FAT4: variants seen among roughly 807,000 people sequenced by gnomAD.
FAT4 encodes protocadherin Fat 4.
Under a neutral mutation model 303.9 loss-of-function variants are expected in FAT4, and 84 were observed. That is an observed-to-expected ratio of 0.28 (90% CI 0.23 to 0.33). The LOEUF (loss-of-function observed/expected upper bound fraction) is 0.33. FAT4 is among the 10% of genes least tolerant of loss of function. The probability of loss-of-function intolerance (pLI) is 1.00; values close to 1 mark genes in which losing one functional copy is unlikely to be tolerated. For synonymous variants in FAT4, 2,307 were observed against 2,298.8 expected (o/e 1.00, Z -0.10); for missense variants, 6,005 against 6,146.8 (o/e 0.98, Z 0.77).
Position 125,319,052 on chromosome 4 carries a change from A to G in FAT4, c.2641A>G (p.Ile881Val), listed in dbSNP as rs183643556. The G allele has an allele frequency of 6.2e-6, 10 of 1,614,096 alleles. No homozygotes were observed. In the East Asian group the frequency reaches 1.6e-4, roughly 25 times the overall value. The change falls in exon 2 of 18, where the codon ATA becomes GTA. Residue 881 changes from isoleucine (I) to valine (V), a missense_variant. Coordinates refer to ENST00000394329, the MANE Select transcript of FAT4 (RefSeq NM_001291303.3). ...AGTGACTGGAGACACTATGGTTAAC[A>G]TAACAGTTAAGGATTTGAATGACAA... ...GTVTGDTMVN[I>V]TVKDLNDNSP...
At chr4:125,377,036 C>T (rs1183941841) in intron 2 of FAT4, among the ~76,000 whole-genome samples, 1 of 152,166 alleles carries the variant, frequency 6.6e-6, no homozygotes, top group African/African-American at 2.4e-5. Context: ...GAAGAAAAAT[C>T]TGGCTCCTGA....
intron 2 of FAT4, among the ~76,000 whole-genome samples, chr4:125,339,597 A>T (rs552673194): frequency 6.6e-6 from 1 of 152,284 alleles, no homozygotes; most frequent in South Asian, 2.1e-4. Flanking sequence ...ACTAAAACTA[A>T]CATTTATTTA....
chr4:125,317,549 C>T lies in FAT4; in HGVS notation c.1138C>T (p.Leu380Phe). 1 of 1,613,922 alleles carries T rather than the reference C, an allele frequency of 6.2e-7. No individual in the cohort carries two copies. Among genetic ancestry groups the T allele is most frequent in the South Asian group, 1.1e-5 (1 of 91,074 alleles). The stretch of plus-strand genomic sequence containing the variant: ...TCAAGTGGGCACCGTGGTGGCTCTG[C>T]TCACCGTGACGGACGCAGATTCTCC... The part of the protein sequence containing the change: ...NAQVGTVVAL[L>F]TVTDADSPAA... Residue 380 changes from leucine (L) to phenylalanine (F), a missense_variant, in exon 2 of 18, where the codon CTC becomes TTC. Transcript: ENST00000394329. The surrounding 1 kb of genome is among the most constrained non-coding windows in gnomAD (Gnocchi z 7.0).
chr4:125,420,782 G>T (rs1735260547), intron 7 of FAT4, among the ~76,000 whole-genome samples: 1 of 152,110 alleles, frequency 6.6e-6, no homozygotes, highest in Non-Finnish European at 1.5e-5. Context: ...GAACCTTCTG[G>T]CTCTGATTCA....
intron 6 of FAT4, 123 bp from the exon 7 acceptor site, chr4:125,416,325 T>C: frequency 1.1e-6 from 1 of 887,326 alleles, no homozygotes; most frequent in Admixed American, 2.4e-5. Context: ...TACTTGAAAA[T>C]CTAAAAATAT....
rs777769859 is a variant in FAT4 at position 125,451,585 on chromosome 4, A to G, written c.10575A>G (p.Pro3525=). 6.2e-7 allele frequency: 1 copy of G among 1,614,170 alleles called. No homozygotes were observed. Among genetic ancestry groups the G allele is most frequent in the South Asian group, 1.1e-5 (1 of 91,086 alleles). ...SEGEVMENKR[P]GTLVMTLQST... is the part of the protein sequence containing the mutation. ...GAGAAGTCATGGAAAACAAACGGCCAGGCACTTTGGTGATGACCCTTCAGT... is the reference window on the plus strand; with the variant it reads ...GAGAAGTCATGGAAAACAAACGGCCGGGCACTTTGGTGATGACCCTTCAGT... Residue 3525 remains proline (P), a synonymous_variant, in exon 10 of 18, where the codon CCA becomes CCG. Coordinates refer to ENST00000394329, the MANE Select transcript of FAT4 (RefSeq NM_001291303.3).
At chr4:125,394,136 C>A in intron 2 of FAT4, 1 of 555,738 alleles carries the variant, frequency 1.8e-6, no homozygotes, top group South Asian at 2.5e-5. Flanking sequence ...CATGGAAGTG[C>A]CTTATCTTAA....
In FAT4 at chr4:125,479,746, C is replaced by T. The variant is rs967604351; in HGVS notation, c.12485C>T (p.Pro4162Leu). The T allele has an allele frequency of 4.4e-6, 7 of 1,591,026 alleles. No homozygotes were observed. Among genetic ancestry groups the T allele is most frequent in the Non-Finnish European group, 6.0e-6 (7 of 1,163,984 alleles). ...LAAQGILDQC[P>L]RLEGACTRSP... ...CTCATTATGATTTATTTTAGATGCC[C>T]TAGGCTGGAAGGCGCTTGTACTCGC... Residue 4162 changes from proline to leucine, a missense_variant, in exon 15 of 18, where the codon CCT becomes CTT. Transcript: ENST00000394329.
rs987778227 is a variant in FAT4 at position 125,492,878 on chromosome 4, G to A, written c.*1110G>A. On this transcript the variant is annotated 3_prime_UTR_variant, in exon 18 of 18. Coordinates refer to ENST00000394329, the MANE Select transcript of FAT4 (RefSeq NM_001291303.3). ...CTCATTTTGATATTTGTAACATACTGTATGCTTTCTACTTGTAAATGTCAA... is the reference window on the plus strand; with the variant it reads ...CTCATTTTGATATTTGTAACATACTATATGCTTTCTACTTGTAAATGTCAA... 2.0e-5 allele frequency: 3 copies of A among 152,242 alleles called. No homozygotes were observed. Among genetic ancestry groups the A allele is most frequent in the Non-Finnish European group, 4.4e-5 (3 of 67,948 alleles). 9.4% of individuals were successfully genotyped at this position (152,242 alleles called of 1,614,324 possible).
chr4:125,462,290 T>C (rs1030236563), intron 10 of FAT4, among the ~76,000 whole-genome samples: 3 of 151,956 alleles, frequency 2.0e-5, no homozygotes, highest in African/African-American at 4.8e-5. Flanking sequence ...AAATGAAGTA[T>C]CTATGCTCAG....
chr4:125,419,480 T>C (rs1295050830), intron 7 of FAT4, among the ~76,000 whole-genome samples: 1 of 152,230 alleles, frequency 6.6e-6, no homozygotes, highest in African/African-American at 2.4e-5. Context: ...TGGGGTAGTA[T>C]GATAGCTTGC....
intron 3 of FAT4, among the ~76,000 whole-genome samples, chr4:125,399,980 A>G (rs958992595): frequency 6.6e-6 from 1 of 151,918 alleles, no homozygotes; most frequent in Non-Finnish European, 1.5e-5. Context: ...ATTTTCTTAA[A>G]GTTTATCATT....
At chr4:125,385,253 C>T (rs1027475759) in intron 2 of FAT4, among the ~76,000 whole-genome samples, 4 of 151,858 alleles carry the variant, frequency 2.6e-5, no homozygotes, top group African/African-American at 9.7e-5. Context: ...AAATTCCTGA[C>T]CTCAGGTGAT....
chr4:125,436,073 G>C (rs1043623845), intron 8 of FAT4, among the ~76,000 whole-genome samples: 5 of 151,370 alleles, frequency 3.3e-5, no homozygotes, highest in Non-Finnish European at 2.9e-5. Flanking sequence ...GATAGCATTA[G>C]GAGATATACC....
chr4:125,349,074 C>A (rs932878795), intron 2 of FAT4, among the ~76,000 whole-genome samples: 2 of 151,574 alleles, frequency 1.3e-5, no homozygotes, highest in Admixed American at 1.3e-4. Flanking sequence ...ATTAAATTAT[C>A]CAGAGGGGTT....
At chr4:125,421,086 C>G (rs1055018284) in intron 7 of FAT4, among the ~76,000 whole-genome samples, 21 of 152,108 alleles carry the variant, frequency 1.4e-4, no homozygotes, top group Non-Finnish European at 2.8e-4. Context: ...ACATGCCTGG[C>G]TAATTTTTTT....
Position 125,451,034 on chromosome 4 carries a change from A to C in FAT4, c.10024A>C (p.Asn3342His), listed in dbSNP as rs772182074. The C allele has an allele frequency of 4.8e-5, 77 of 1,613,942 alleles. No individual in the cohort carries two copies. The Middle Eastern group carries it at 1.6e-3, about 34-fold the overall frequency. ...DGEVHYLIFG[N>H]SRKKGFQINK... ...GGAGGTACACTATTTGATTTTTGGTAATAGTCGAAAGAAGGGTTTCCAGAT... is the reference window on the plus strand; with the variant it reads ...GGAGGTACACTATTTGATTTTTGGTCATAGTCGAAAGAAGGGTTTCCAGAT... Residue 3342 changes from asparagine (N) to histidine (H), a missense_variant, in exon 10 of 18, where the codon AAT (asparagine) becomes CAT (histidine). Physicochemically the swap from Asn to His is moderately conservative, Grantham distance 68 (BLOSUM62 1). Transcript: ENST00000394329.
chr4:125,315,211 G>A lies in FAT4; in HGVS notation c.-779G>A, dbSNP rs1730520075. Among the ~76,000 whole-genome samples, 1 of 151,980 alleles carries A rather than the reference G, an allele frequency of 6.6e-6. No homozygotes were observed. Among genetic ancestry groups the A allele is most frequent in the Non-Finnish European group, 1.5e-5 (1 of 68,000 alleles). On this transcript the variant is annotated 5_prime_UTR_variant, in exon 1 of 18. Coordinates refer to ENST00000394329, the MANE Select transcript of FAT4 (RefSeq NM_001291303.3). ...AACCTTCGGCCCCGGCCGGCGAGAG[G>A]GAGAGCGCTGACAGGCGCCGTCCGG...
At chr4:125,398,273 T>C (rs994507351) in intron 2 of FAT4, among the ~76,000 whole-genome samples, 3 of 152,204 alleles carry the variant, frequency 2.0e-5, no homozygotes, top group East Asian at 1.9e-4. Flanking sequence ...GATGTATTTT[T>C]CTTCCCATTA....
Sources: allele counts gnomAD v4.1 joint callset (sites outside exome capture counted in the v4.1 genomes callset), GRCh38; gene constraint gnomAD v4.1.1; non-coding constraint Gnocchi (gnomAD v3.1); transcripts MANE v1.5; gene names NCBI Gene and HGNC (gene_info 2026-07-23, HGNC 2026-07-21).